The following ANK3 variants were observed in gnomAD, a reference collection of about 807,000 sequenced individuals.
ANK3 encodes the protein ankyrin 3, also known as ankyrin-3.
ANK3 carries 57 observed loss-of-function variants against 370.9 expected under a neutral mutation model. That is an observed-to-expected ratio of 0.15 (90% CI 0.12 to 0.19). The LOEUF (loss-of-function observed/expected upper bound fraction) is 0.19. ANK3 is among the 10% of genes least tolerant of loss of function. The pLI, the probability that ANK3 is intolerant of heterozygous loss-of-function variation, is 1.00. For missense variants in ANK3, 4,439 were observed against 5,302.1 expected (o/e 0.84, Z 5.06); for synonymous variants, 1,929 against 1,946.3 (o/e 0.99, Z 0.23).
At chr10:60,142,020 G>A (rs191124113) in intron 23 of ANK3, among the ~76,000 whole-genome samples, 1 of 152,274 alleles carries the variant, frequency 6.6e-6, no homozygotes, top group African/African-American at 2.4e-5. Flanking sequence ...AATGTTCATC[G>A]ACTTTTTAAG....
intron 2 of ANK3, among the ~76,000 whole-genome samples, chr10:60,596,427 T>C (rs1050728005): frequency 1.3e-5 from 2 of 152,150 alleles, no homozygotes; most frequent in African/African-American, 2.4e-5. Flanking sequence ...TAATCAAACA[T>C]GGCAACAGTC....
intron 2 of ANK3, among the ~76,000 whole-genome samples, chr10:60,411,028 C>A (rs1474401454): frequency 6.6e-6 from 1 of 152,046 alleles, no homozygotes; most frequent in African/African-American, 2.4e-5. Context: ...GGCTTTTGAC[C>A]CAGCTACCAA....
At chr10:60,327,288 A>T (rs2050134327) in intron 1 of ANK3, among the ~76,000 whole-genome samples, 1 of 152,164 alleles carries the variant, frequency 6.6e-6, no homozygotes, top group African/African-American at 2.4e-5. Context: ...ATGGAGATTG[A>T]CTGTCCTCTC....
intron 2 of ANK3, among the ~76,000 whole-genome samples, chr10:60,404,944 T>A (rs2063423675): frequency 6.6e-6 from 1 of 151,510 alleles, no homozygotes; most frequent in Middle Eastern, 3.4e-3. Context: ...ACATACAGAG[T>A]TGGGGACTAA....
At chr10:60,483,659 T>C (rs1272651820) in intron 2 of ANK3, among the ~76,000 whole-genome samples, 1 of 152,206 alleles carries the variant, frequency 6.6e-6, no homozygotes, top group African/African-American at 2.4e-5. Context: ...GCATATTTTG[T>C]TAGGCTTTCG....
chr10:60,584,611 C>A (rs1022532368), intron 2 of ANK3, among the ~76,000 whole-genome samples: 5 of 152,074 alleles, frequency 3.3e-5, no homozygotes, highest in Non-Finnish European at 1.5e-5. Context: ...AGCAAGACCC[C>A]ATCTCCTAAT....
At chr10:60,396,269 C>T (rs772144062) in intron 2 of ANK3, among the ~76,000 whole-genome samples, 15 of 152,182 alleles carry the variant, frequency 9.9e-5, no homozygotes, top group Non-Finnish European at 2.2e-4. Context: ...TTTGAACTCT[C>T]TGCTTCCTTC....
intron 2 of ANK3, among the ~76,000 whole-genome samples, chr10:60,495,568 C>T (rs1306258108): frequency 3.9e-5 from 6 of 152,066 alleles, no homozygotes; most frequent in Non-Finnish European, 8.8e-5. Flanking sequence ...TCATTGTGCA[C>T]AAGGGGGCTC....
intron 1 of ANK3, among the ~76,000 whole-genome samples, chr10:60,381,105 T>C (rs952032995): frequency 9.9e-5 from 15 of 152,156 alleles, no homozygotes; most frequent in African/African-American, 3.4e-4. Context: ...GATTGGGGGA[T>C]AAATTGGTTG....
At chr10:60,318,877 GA>G (rs1217210602) in intron 1 of ANK3, among the ~76,000 whole-genome samples, 11 of 152,148 alleles carry the variant, frequency 7.2e-5, no homozygotes, top group African/African-American at 2.4e-4. Context: ...ATTTATGGAA[GA>G]AAACTTTCCT....
intron 2 of ANK3, among the ~76,000 whole-genome samples, chr10:60,403,992 C>T (rs982066036): frequency 1.3e-5 from 2 of 152,098 alleles, no homozygotes; most frequent in African/African-American, 4.8e-5. Context: ...AAGAACAATT[C>T]TACTTTTTAA....
At chr10:60,672,228 T>A (rs1018625604) in intron 1 of ANK3, among the ~76,000 whole-genome samples, 9 of 152,258 alleles carry the variant, frequency 5.9e-5, no homozygotes, top group African/African-American at 1.9e-4. Flanking sequence ...TGATATTGGG[T>A]CTTTGACCCC....
intron 4 of ANK3, among the ~76,000 whole-genome samples, chr10:60,271,808 C>T (rs1440661569): frequency 2.0e-5 from 3 of 151,166 alleles, no homozygotes; most frequent in Non-Finnish European, 4.4e-5. Flanking sequence ...AAATGCGATG[C>T]CACATAACAA....
At chr10:60,682,115 C>A (rs1169360744) in intron 1 of ANK3, among the ~76,000 whole-genome samples, 5 of 152,136 alleles carry the variant, frequency 3.3e-5, no homozygotes, top group African/African-American at 9.7e-5. Flanking sequence ...CCTCTGCAAT[C>A]CAGCCTGGGT....
intron 8 of ANK3, among the ~76,000 whole-genome samples, chr10:60,216,992 G>A (rs559404048): frequency 6.6e-6 from 1 of 152,216 alleles, no homozygotes; most frequent in African/African-American, 2.4e-5. Flanking sequence ...GGTTAATCTT[G>A]TGAGGGTATA....
At chr10:60,193,523 T>C (rs1224176338) in intron 16 of ANK3, among the ~76,000 whole-genome samples, 2 of 151,454 alleles carry the variant, frequency 1.3e-5, no homozygotes, top group African/African-American at 2.4e-5. Context: ...GGGTAGGTGG[T>C]ACATGCCTGT....
chr10:60,208,331 C>A, intron 9 of ANK3, 98 bp from the exon 10 acceptor site: 1 of 1,054,576 alleles, frequency 9.5e-7, no homozygotes, highest in Non-Finnish European at 1.4e-6. Context: ...AACTCCAGTT[C>A]TTCACATGAA....
At chr10:60,488,855 A>G (rs906404047) in intron 2 of ANK3, among the ~76,000 whole-genome samples, 6 of 152,206 alleles carry the variant, frequency 3.9e-5, no homozygotes, top group African/African-American at 1.4e-4. Context: ...CAACTGTACC[A>G]TATGTTACTG....
chr10:60,423,646 T>C (rs536124104), intron 2 of ANK3, among the ~76,000 whole-genome samples: 2 of 152,148 alleles, frequency 1.3e-5, no homozygotes, highest in South Asian at 4.1e-4. Context: ...ACTCTTTATA[T>C]TTACCAATAG....
Sources: allele counts gnomAD v4.1 joint callset (sites outside exome capture counted in the v4.1 genomes callset), GRCh38; gene constraint gnomAD v4.1.1; transcripts MANE v1.5; gene names NCBI Gene and HGNC (gene_info 2026-07-23, HGNC 2026-07-21).